Variants in BRINP1 observed in about 807,000 individuals in gnomAD.
The protein encoded by BRINP1 is BMP/retinoic acid inducible neural specific 1, also known as BMP/retinoic acid-inducible neural-specific protein 1.
Under a neutral mutation model 72.9 loss-of-function variants are expected in BRINP1, and 17 were observed. The observed-to-expected ratio is 0.23, with a 90% CI of 0.16 to 0.35. The LOEUF (loss-of-function observed/expected upper bound fraction) is 0.35, where lower values mean the gene tolerates loss of function less well. BRINP1 is among the 10% of genes least tolerant of loss of function. The pLI, the probability that BRINP1 is intolerant of heterozygous loss-of-function variation, is 1.00. For synonymous variants in BRINP1, 418 were observed against 378.5 expected (o/e 1.10, Z -1.21); for missense variants, 850 against 1,001.6 (o/e 0.85, Z 2.04).
chr9:119,226,725 A>G (rs1458530591), intron 5 of BRINP1, among the ~76,000 whole-genome samples: 1 of 152,034 alleles, frequency 6.6e-6, no homozygotes, highest in Non-Finnish European at 1.5e-5. Flanking sequence ...ATAATTATGG[A>G]AATCGGTCAC....
rs371851819 is a variant in BRINP1, at chr9:119,298,067, TA to T, written c.218+15070del. On this transcript the variant is annotated intron_variant, in intron 2 of 7. Coordinates refer to ENST00000265922, the MANE Select transcript of BRINP1 (RefSeq NM_014618.3). ...TTCTCGCACATTTATTCTGGACATC[TA>T]AAAGATAGGACATCTAACAGTCCGT... is the stretch of plus-strand genomic sequence containing the variant. Among the ~76,000 whole-genome samples, 41 of 152,330 alleles carry T rather than the reference TA, an allele frequency of 2.7e-4. No homozygotes were observed. In the East Asian group the frequency reaches 5.4e-3, roughly 20 times the overall value.
At chr9:119,185,826 G>A (rs1468267140) in intron 7 of BRINP1, among the ~76,000 whole-genome samples, 2 of 152,156 alleles carry the variant, frequency 1.3e-5, no homozygotes, top group Admixed American at 6.5e-5. Flanking sequence ...AGAAGCCCAC[G>A]TTGTATCCCA....
intron 1 of BRINP1, among the ~76,000 whole-genome samples, chr9:119,359,388 C>T (rs749889782): frequency 6.6e-6 from 1 of 152,092 alleles, no homozygotes; most frequent in Admixed American, 6.6e-5. Flanking sequence ...TTTGTAGAGA[C>T]AGGATCTTGC....
chr9:119,250,456 C>T (rs770151482), intron 2 of BRINP1, among the ~76,000 whole-genome samples: 165 of 152,246 alleles, frequency 1.1e-3, no homozygotes, highest in Non-Finnish European at 1.9e-3. Context: ...TGATCTTGTC[C>T]CCTCTCTAGA....
At chr9:119,255,785 C>G (rs1415623825) in intron 2 of BRINP1, among the ~76,000 whole-genome samples, 1 of 151,812 alleles carries the variant, frequency 6.6e-6, no homozygotes, top group Non-Finnish European at 1.5e-5. Context: ...GAAACCCCAT[C>G]TCTACTACAC....
intron 1 of BRINP1, among the ~76,000 whole-genome samples, chr9:119,345,594 T>G (rs1831441604): frequency 6.6e-6 from 1 of 152,186 alleles, no homozygotes; most frequent in Non-Finnish European, 1.5e-5. Context: ...TTTCAACTTC[T>G]CCATCCCATG....
At chr9:119,326,997 G>T (rs192674571) in intron 1 of BRINP1, among the ~76,000 whole-genome samples, 1 of 152,282 alleles carries the variant, frequency 6.6e-6, no homozygotes, top group Admixed American at 6.5e-5. Context: ...AGTGTGTTGT[G>T]AGTATGGAAT....
At chr9:119,243,005 C>A in intron 3 of BRINP1, among the ~76,000 whole-genome samples, 1 of 149,454 alleles carries the variant, frequency 6.7e-6, no homozygotes, top group African/African-American at 2.5e-5. Flanking sequence ...TTCTAAGAAG[C>A]TTTATTTGGT....
At chr9:119,213,124 GATAC>G (rs1452346286) in intron 6 of BRINP1, among the ~76,000 whole-genome samples, 35 of 152,248 alleles carry the variant, frequency 2.3e-4, no homozygotes, top group African/African-American at 8.4e-4. Context: ...ACCATAGTCA[GATAC>G]TTCCATTTCT....
chr9:119,316,363 C>T (rs922710479), intron 1 of BRINP1, among the ~76,000 whole-genome samples: 2 of 152,212 alleles, frequency 1.3e-5, no homozygotes, highest in African/African-American at 2.4e-5. Context: ...GCTGGGATTA[C>T]AGGCGTGAGC....
At chr9:119,296,974 T>C (rs917731837) in intron 2 of BRINP1, among the ~76,000 whole-genome samples, 1 of 152,290 alleles carries the variant, frequency 6.6e-6, no homozygotes, top group East Asian at 1.9e-4. Flanking sequence ...AAAAATGCTA[T>C]ATTATATTCT....
chr9:119,167,215 A>T lies in BRINP1; in HGVS notation c.2155T>A (p.Leu719Met). 1 of 1,614,144 alleles carries T rather than the reference A, an allele frequency of 6.2e-7. No individual in the cohort carries two copies. Among genetic ancestry groups the T allele is most frequent in the Non-Finnish European group, 8.5e-7 (1 of 1,180,030 alleles). The change falls in exon 8 of 8, where the codon TTG becomes ATG. Residue 719 changes from leucine to methionine, a missense_variant. Physicochemically the swap from Leu to Met is conservative, Grantham distance 15 (BLOSUM62 2). Coordinates refer to ENST00000265922, the MANE Select transcript of BRINP1 (RefSeq NM_014618.3). The surrounding 1 kb of genome is among the most constrained non-coding windows in gnomAD (Gnocchi z 4.3). ...PVAPGKPQLD[L>M]FSCMLKHRLK... ...CGGTGTTTCAGCATACAGGAGAACA[A>T]GTCCAGCTGGGGTTTCCCCGGGGCC... is the stretch of plus-strand genomic sequence containing the variant.
intron 7 of BRINP1, among the ~76,000 whole-genome samples, chr9:119,198,971 C>A (rs977040369): frequency 4.3e-4 from 65 of 152,264 alleles, no homozygotes; most frequent in African/African-American, 1.5e-3. Context: ...CCGTGCCCAG[C>A]CTTGAATATA....
intron 1 of BRINP1, among the ~76,000 whole-genome samples, chr9:119,359,096 T>C (rs1831603065): frequency 6.6e-6 from 1 of 152,186 alleles, no homozygotes; most frequent in Admixed American, 6.5e-5. Flanking sequence ...GCAGTAACAG[T>C]TAATGTTTAT....
intron 2 of BRINP1, among the ~76,000 whole-genome samples, chr9:119,254,256 A>T (rs1391460116): frequency 6.6e-6 from 1 of 152,206 alleles, no homozygotes; most frequent in South Asian, 2.1e-4. Flanking sequence ...CAGGGGAGAT[A>T]AGTGTTATAA....
chr9:119,257,755 C>A (rs1451670737), intron 2 of BRINP1, among the ~76,000 whole-genome samples: 1 of 152,016 alleles, frequency 6.6e-6, no homozygotes, highest in Non-Finnish European at 1.5e-5. Flanking sequence ...ATTTCTCTTG[C>A]CTGCTGTTCC....
At chr9:119,230,752 AT>A (rs1374493152) in intron 5 of BRINP1, among the ~76,000 whole-genome samples, 2 of 152,052 alleles carry the variant, frequency 1.3e-5, no homozygotes, top group Non-Finnish European at 2.9e-5. Flanking sequence ...AAGATAAATG[AT>A]TTAAGACCAA....
At chr9:119,281,390 G>A (rs1830710049) in intron 2 of BRINP1, among the ~76,000 whole-genome samples, 1 of 133,480 alleles carries the variant, frequency 7.5e-6, no homozygotes, top group African/African-American at 2.8e-5. Flanking sequence ...ATTGATGTAA[G>A]CATTCAAAAA....
At chr9:119,306,625 T>C (rs7867734) in intron 2 of BRINP1, among the ~76,000 whole-genome samples, 10,654 of 152,238 alleles carry the variant, frequency 0.07, 1,298 homozygotes, top group African/African-American at 0.24. Context: ...ACACAATCCA[T>C]GTATATCTGG....
Sources: allele counts gnomAD v4.1 joint callset (sites outside exome capture counted in the v4.1 genomes callset), GRCh38; gene constraint gnomAD v4.1.1; non-coding constraint Gnocchi (gnomAD v3.1); transcripts MANE v1.5; gene names NCBI Gene and HGNC (gene_info 2026-07-23, HGNC 2026-07-21).